Variants in DAB2IP observed in about 807,000 individuals in gnomAD.
DAB2IP encodes DAB2 interacting protein.
Under a neutral mutation model 107.2 loss-of-function variants are expected in DAB2IP, and 28 were observed. The observed-to-expected ratio is 0.26, with a 90% CI of 0.19 to 0.36. The LOEUF (loss-of-function observed/expected upper bound fraction) is 0.36, where lower values mean the gene tolerates loss of function less well. Among genes scored for constraint, DAB2IP ranks in the 10% least tolerant of loss-of-function variants. DAB2IP has a pLI of 1.00. For missense variants in DAB2IP, 1,400 were observed against 1,644.7 expected (o/e 0.85, Z 2.57); for synonymous variants, 755 against 706.4 (o/e 1.07, Z -1.09).
At chr9:121,577,812 G>A (rs1461011465) in intron 1 of DAB2IP, among the ~76,000 whole-genome samples, 1 of 152,190 alleles carries the variant, frequency 6.6e-6, no homozygotes, top group African/African-American at 2.4e-5. Context: ...GCCCGAGGCA[G>A]CCAGATGGCA....
chr9:121,740,250 C>T (rs1301959895), intron 3 of DAB2IP, among the ~76,000 whole-genome samples: 3 of 152,094 alleles, frequency 2.0e-5, no homozygotes, highest in Non-Finnish European at 2.9e-5. Context: ...GATTCAGGAG[C>T]GCCGATAGGC....
intron 1 of DAB2IP, among the ~76,000 whole-genome samples, chr9:121,585,847 T>TA (rs56837404): frequency 0.71 from 106,331 of 148,832 alleles, 38,204 homozygotes; most frequent in East Asian, 0.96. Context: ...GTTAGGGATT[T>TA]AAAAAAAAAA....
chr9:121,575,847 C>T (rs1162461599), intron 1 of DAB2IP, among the ~76,000 whole-genome samples: 2 of 152,182 alleles, frequency 1.3e-5, no homozygotes, highest in Non-Finnish European at 2.9e-5. Flanking sequence ...AAGGTCTCAA[C>T]TCTGGAAGCC....
chr9:121,768,372 G>T, intron 9 of DAB2IP, 60 bp from the exon 10 acceptor site: 1 of 1,572,056 alleles, frequency 6.4e-7, no homozygotes, highest in Non-Finnish European at 8.8e-7. Flanking sequence ...CCAGTGGAGG[G>T]AGTTCCTGGG....
At chr9:121,576,953 C>A (rs770566227) in intron 1 of DAB2IP, among the ~76,000 whole-genome samples, 2 of 152,192 alleles carry the variant, frequency 1.3e-5, no homozygotes, top group Admixed American at 1.3e-4. Flanking sequence ...GAAGCCCTCA[C>A]TCAACTGCCC....
In DAB2IP at chr9:121,637,691, T is replaced by C. The variant is rs548263944; in HGVS notation, c.41-40987T>C. On this transcript the variant is annotated intron_variant, in intron 1 of 16. Transcript: ENST00000259371. ...GAATTCCGCGTTGCCTGCCCCCGAATTGCAGCCAAGCTTTAGATTTCTCCC... is the reference window on the plus strand; with the variant it reads ...GAATTCCGCGTTGCCTGCCCCCGAACTGCAGCCAAGCTTTAGATTTCTCCC... Among the ~76,000 whole-genome samples, 3 of 152,328 alleles carry C rather than the reference T, an allele frequency of 2.0e-5. No individual in the cohort carries two copies. The South Asian group carries it at 6.2e-4, about 32-fold the overall frequency.
intron 1 of DAB2IP, among the ~76,000 whole-genome samples, chr9:121,621,948 C>G (rs1344949617): frequency 1.3e-5 from 2 of 150,926 alleles, no homozygotes; most frequent in Non-Finnish European, 2.9e-5. Flanking sequence ...AGCCACCATG[C>G]CTGACCCTGT....
At chr9:121,585,227 G>T (rs1201635575) in intron 1 of DAB2IP, among the ~76,000 whole-genome samples, 1 of 152,164 alleles carries the variant, frequency 6.6e-6, no homozygotes, top group Non-Finnish European at 1.5e-5. Flanking sequence ...ATGGCGAGGG[G>T]TCAATGAGAG....
At chr9:121,754,439 C>T (rs1312412507) in intron 3 of DAB2IP, among the ~76,000 whole-genome samples, 2 of 152,184 alleles carry the variant, frequency 1.3e-5, no homozygotes, top group Admixed American at 6.5e-5. Flanking sequence ...CTCCCTGGGC[C>T]TGCCCTGCCC....
In DAB2IP at chr9:121,678,799, A is replaced by T. The variant is rs771847034; in HGVS notation, c.228+18A>T. 9.1e-6 allele frequency: 14 copies of T among 1,543,020 alleles called. No individual in the cohort carries two copies. Among genetic ancestry groups the T allele is most frequent in the Non-Finnish European group, 9.7e-6 (11 of 1,138,800 alleles). ...GGGTCACGGTAACTATCTCTGCGTC[A>T]CCAACACCGCCACTGCCACCACCAT... On this transcript the variant is annotated intron_variant, in intron 2 of 15. Coordinates refer to ENST00000408936, the Ensembl canonical transcript of DAB2IP.
intron 3 of DAB2IP, among the ~76,000 whole-genome samples, chr9:121,726,580 C>T (rs142782847): frequency 6.6e-6 from 1 of 152,282 alleles, no homozygotes; most frequent in East Asian, 1.9e-4. Flanking sequence ...AGCCCTCAAC[C>T]TGTGGATCTG....
At chr9:121,765,208 C>T (rs1314023255) in intron 8 of DAB2IP, among the ~76,000 whole-genome samples, 1 of 151,848 alleles carries the variant, frequency 6.6e-6, no homozygotes, top group East Asian at 1.9e-4. Context: ...TTCCCCCTCC[C>T]CCTCTTCCAG....
At chr9:121,597,161 T>A (rs1830548013) in intron 1 of DAB2IP, among the ~76,000 whole-genome samples, 1 of 152,268 alleles carries the variant, frequency 6.6e-6, no homozygotes, top group Admixed American at 6.5e-5. Context: ...GTTTTGAATT[T>A]TAATTAAATG....
intron 1 of DAB2IP, among the ~76,000 whole-genome samples, chr9:121,659,531 T>G (rs571721273): frequency 6.6e-6 from 1 of 152,294 alleles, no homozygotes; most frequent in South Asian, 2.1e-4. Flanking sequence ...CAGTTAGGGC[T>G]GATCTAGAAA....
chr9:121,778,414 G>A (rs546056069), intron 14 of DAB2IP, among the ~76,000 whole-genome samples: 8 of 152,274 alleles, frequency 5.3e-5, no homozygotes, highest in Middle Eastern at 3.4e-3. Flanking sequence ...ATACTATTGG[G>A]TCTTGCTTTC....
intron 1 of DAB2IP, among the ~76,000 whole-genome samples, chr9:121,668,440 T>C (rs968560991): frequency 1.3e-5 from 2 of 152,210 alleles, no homozygotes; most frequent in African/African-American, 4.8e-5. Context: ...GGTCTCGCTG[T>C]GTTACCCAGG....
At chr9:121,654,395 C>T (rs944591124) in intron 1 of DAB2IP, among the ~76,000 whole-genome samples, 1 of 152,084 alleles carries the variant, frequency 6.6e-6, no homozygotes, top group African/African-American at 2.4e-5. Context: ...AGTTCAAGAC[C>T]AGCCTGGGCA....
chr9:121,629,087 C>T (rs529292862), intron 1 of DAB2IP, among the ~76,000 whole-genome samples: 1 of 152,258 alleles, frequency 6.6e-6, no homozygotes, highest in African/African-American at 2.4e-5. Flanking sequence ...AGACACTTGC[C>T]TAGTAGAACC....
chr9:121,651,551 C>T (rs116656705), upstream of DAB2IP: 7,492 of 632,714 alleles, frequency 0.012, 480 homozygotes, highest in African/African-American at 0.13. The surrounding 1 kb of genome is among the most constrained non-coding windows in gnomAD (Gnocchi z 5.1). Flanking sequence ...GGTGCCAGCC[C>T]GGCCTCCGGG....
Sources: gnomAD v4.1 joint callset for allele counts (sites outside exome capture counted in the v4.1 genomes callset) on GRCh38, gnomAD v4.1.1 for gene constraint, Gnocchi (gnomAD v3.1) non-coding constraint, MANE v1.5 for transcripts, NCBI Gene and HGNC (gene_info 2026-07-23, HGNC 2026-07-21) for gene names.